Variants in TMEM164 observed in about 807,000 individuals in gnomAD.
TMEM164 encodes the protein transmembrane protein 164.
A neutral mutation model predicts 18.8 loss-of-function variants in TMEM164; 4 were observed. The observed-to-expected ratio is 0.21, with a 90% confidence interval of 0.10 to 0.49. TMEM164 has a LOEUF of 0.49. Among genes scored for constraint, TMEM164 ranks in the 20% least tolerant of loss-of-function variants. The pLI is 0.98. For synonymous variants in TMEM164, 86 were observed against 101.7 expected, an observed-to-expected ratio of 0.85 and a Z score of 0.93; for missense variants, 108 against 239.9, an observed-to-expected ratio of 0.45 and a Z score of 3.63.
At position 110,163,268 on chromosome X, in the gene TMEM164, G is replaced by A. The variant is rs59587728; in HGVS notation, c.587-8152G>A. Among the ~76,000 whole-genome samples the A allele has an allele frequency of 7.5e-3, 839 of 111,991 alleles. 8 individuals are homozygous for A. The highest frequency in any genetic ancestry group is 0.026 in the African/African-American group (810 of 30,768). ...GTGCTGTCCAATAAAAACATGTGAG[G>A]CACATATGTAATTTCAAATGTTCCA... On this transcript the variant is annotated intron_variant, in intron 5 of 6. Coordinates refer to ENST00000372068, the MANE Select transcript of TMEM164 (RefSeq NM_032227.4).
chrX:110,082,598 G>A (rs12832566), intron 3 of TMEM164, among the ~76,000 whole-genome samples: 1 of 109,849 alleles, frequency 9.1e-6, no homozygotes, highest in Non-Finnish European at 1.9e-5. Context: ...TTAGGGAACC[G>A]ACCCAGTCCC....
downstream of TMEM164, among the ~76,000 whole-genome samples, chrX:110,182,112 A>C: frequency 9.0e-6 from 1 of 111,436 alleles, no homozygotes; most frequent in Non-Finnish European, 1.9e-5. Context: ...TTTTTTCAGC[A>C]GTATATAAAA....
chrX:110,074,267 G>A lies in TMEM164; in HGVS notation c.440+6871G>A, dbSNP rs1166539596. Among the ~76,000 whole-genome samples, 5 of 111,625 alleles carry A rather than the reference G, an allele frequency of 4.5e-5. No homozygotes were observed. In the Admixed American group the frequency reaches 4.8e-4, roughly 11 times the overall value. On this transcript the variant is annotated intron_variant, in intron 3 of 6. Transcript: ENST00000372068. ...GCTTGTATGCCTTCTTTTGCGAAGT[G>A]TCTGTTCACGTCCTTTGCCCACTTT... is the stretch of plus-strand genomic sequence containing the variant.
chrX:110,097,541 C>A (rs755986503), intron 3 of TMEM164, among the ~76,000 whole-genome samples: 1 of 112,172 alleles, frequency 8.9e-6, no homozygotes, highest in South Asian at 3.7e-4. Context: ...AAACATGAAA[C>A]AACACTATAT....
At chrX:110,100,229 G>A (rs189981405) in intron 3 of TMEM164, among the ~76,000 whole-genome samples, 51 of 110,155 alleles carry the variant, frequency 4.6e-4, no homozygotes, top group African/African-American at 1.7e-3. Flanking sequence ...TGGTGAGAGT[G>A]GACATCCTTG....
intron 2 of TMEM164, among the ~76,000 whole-genome samples, chrX:110,013,768 G>T (rs1933141542): frequency 8.9e-6 from 1 of 112,079 alleles, no homozygotes; most frequent in South Asian, 3.7e-4. Context: ...TAATAATAGG[G>T]TTGTTGTGAG....
chrX:110,133,406 C>T (rs1016584874), intron 4 of TMEM164, among the ~76,000 whole-genome samples: 1 of 112,121 alleles, frequency 8.9e-6, no homozygotes, highest in Non-Finnish European at 1.9e-5. Context: ...ATGCCTCAGC[C>T]TCCCAAAGTG....
intron 2 of TMEM164, among the ~76,000 whole-genome samples, chrX:110,016,550 G>C (rs144977891): frequency 2.6e-4 from 29 of 112,502 alleles, no homozygotes; most frequent in African/African-American, 7.7e-4. Flanking sequence ...AATAACACTT[G>C]TAACATTTTT....
intron 3 of TMEM164, among the ~76,000 whole-genome samples, chrX:110,096,069 C>T (rs765425037): frequency 3.6e-4 from 40 of 112,255 alleles, no homozygotes; most frequent in Non-Finnish European, 6.8e-4. Flanking sequence ...GAGGGGCACC[C>T]GGCCGAATGA....
intron 2 of TMEM164, among the ~76,000 whole-genome samples, chrX:110,007,036 A>T (rs1048331087): frequency 2.7e-5 from 3 of 112,296 alleles, no homozygotes; most frequent in African/African-American, 9.7e-5. Flanking sequence ...GTAAGTTTGT[A>T]ACAAGGGAGG....
chrX:110,105,683 C>CACAG (rs1294548420), intron 3 of TMEM164, among the ~76,000 whole-genome samples: 51 of 76,585 alleles, frequency 6.7e-4, no homozygotes, highest in Middle Eastern at 6.7e-3. Context: ...AACACAGACA[C>CACAG]ACACACACAC....
chrX:110,107,804 C>T (rs2066229013), intron 3 of TMEM164, among the ~76,000 whole-genome samples: 1 of 109,730 alleles, frequency 9.1e-6, no homozygotes, highest in South Asian at 4.0e-4. Context: ...AGGTTACAGG[C>T]GCCTGCCACC....
intron 2 of TMEM164, among the ~76,000 whole-genome samples, chrX:110,031,101 T>C (rs1421395682): frequency 9.0e-6 from 1 of 111,061 alleles, no homozygotes; most frequent in Non-Finnish European, 1.9e-5. Flanking sequence ...TTCCCTTCCC[T>C]GTGCCCATAT....
chrX:110,085,063 T>C (rs981132102), intron 3 of TMEM164, among the ~76,000 whole-genome samples: 5 of 110,740 alleles, frequency 4.5e-5, no homozygotes, highest in Admixed American at 9.7e-5. Context: ...AAATATTTCT[T>C]CTGGTTTATA....
At position 110,173,838 on chromosome X, in the gene TMEM164, G is replaced by A; in HGVS notation, c.*387G>A. Reference sequence around the variant, plus strand: ...CATCGAAGCAATGAGATTGGGTTGTGTTTCATTTCTCCACTGCCAGGGACC... The same window carrying A: ...CATCGAAGCAATGAGATTGGGTTGTATTTCATTTCTCCACTGCCAGGGACC... On this transcript the variant is annotated 3_prime_UTR_variant, in exon 7 of 7. Coordinates refer to ENST00000372068, the MANE Select transcript of TMEM164 (RefSeq NM_032227.4). 2 of 163,223 alleles carry A rather than the reference G, an allele frequency of 1.2e-5. No individual in the cohort carries two copies. The highest frequency in any genetic ancestry group is 2.8e-4 in the South Asian group (2 of 7,119). 13.5% of individuals were successfully genotyped at this position (163,223 alleles called of 1,213,427 possible).
At chrX:110,078,175 T>C (rs2065700551) in intron 3 of TMEM164, among the ~76,000 whole-genome samples, 1 of 112,197 alleles carries the variant, frequency 8.9e-6, no homozygotes, top group South Asian at 3.7e-4. Context: ...TTTTTCTTTA[T>C]TCTTGTCTGA....
intron 2 of TMEM164, among the ~76,000 whole-genome samples, chrX:110,011,761 A>G (rs1255966848): frequency 5.3e-5 from 6 of 112,185 alleles, no homozygotes; most frequent in South Asian, 3.6e-4. Context: ...TGCATTTATA[A>G]GAAACTCCCA....
At chrX:110,013,928 G>T (rs1218563626) in intron 2 of TMEM164, among the ~76,000 whole-genome samples, 1 of 111,332 alleles carries the variant, frequency 9.0e-6, no homozygotes, top group East Asian at 2.8e-4. Context: ...AGGCTCTAGG[G>T]TGGTAAAAGC....
chrX:110,082,598 G>T (rs12832566), intron 3 of TMEM164, among the ~76,000 whole-genome samples: 52,702 of 109,842 alleles, frequency 0.48, 10,244 homozygotes, highest in Non-Finnish European at 0.62. Flanking sequence ...TTAGGGAACC[G>T]ACCCAGTCCC....
Sources: allele counts gnomAD v4.1 joint callset (sites outside exome capture counted in the v4.1 genomes callset), GRCh38; gene constraint gnomAD v4.1.1; transcripts MANE v1.5; gene names NCBI Gene and HGNC (gene_info 2026-07-23, HGNC 2026-07-21).